Variants in DNER observed in about 807,000 individuals in gnomAD.
DNER encodes delta/notch like EGF repeat containing.
Under a neutral mutation model 78.2 loss-of-function variants are expected in DNER, and 33 were observed. The observed-to-expected ratio is 0.42, with a 90% CI of 0.32 to 0.56. The LOEUF (loss-of-function observed/expected upper bound fraction) is 0.56. Among genes scored for constraint, DNER ranks in the 20% least tolerant of loss-of-function variants. The pLI is 0.11. For missense variants in DNER, 918 were observed against 975.3 expected, an observed-to-expected ratio of 0.94 and a Z score of 0.78; for synonymous variants, 417 against 384.8, an observed-to-expected ratio of 1.08 and a Z score of -0.98.
At chr2:229,637,938 T>A (rs1404598287) in intron 1 of DNER, among the ~76,000 whole-genome samples, 1 of 152,244 alleles carries the variant, frequency 6.6e-6, no homozygotes, top group Admixed American at 6.5e-5. Context: ...AGAAAATTAT[T>A]TAATATTCCT....
intron 6 of DNER, among the ~76,000 whole-genome samples, chr2:229,484,279 TA>T: frequency 6.6e-6 from 1 of 152,308 alleles, no homozygotes; most frequent in African/African-American, 2.4e-5. Flanking sequence ...GCTACTGAAG[TA>T]AAAACATTGT....
chr2:229,539,452 G>A (rs1696470626), intron 5 of DNER, among the ~76,000 whole-genome samples: 1 of 152,160 alleles, frequency 6.6e-6, no homozygotes, highest in Non-Finnish European at 1.5e-5. Context: ...TATTCCCAAA[G>A]GGTTACTACA....
At chr2:229,370,163 C>T (rs1041857191) in intron 11 of DNER, among the ~76,000 whole-genome samples, 2 of 152,172 alleles carry the variant, frequency 1.3e-5, no homozygotes, top group Non-Finnish European at 1.5e-5. Flanking sequence ...CCTTGAAAAG[C>T]TGCAGTCAGT....
At chr2:229,559,556 A>G (rs1334599717) in intron 4 of DNER, among the ~76,000 whole-genome samples, 1 of 152,116 alleles carries the variant, frequency 6.6e-6, no homozygotes, top group East Asian at 1.9e-4. Context: ...ACTTTGGTCT[A>G]CCAGAAAAAA....
intron 6 of DNER, among the ~76,000 whole-genome samples, chr2:229,499,766 A>G (rs1695575759): frequency 6.6e-6 from 1 of 152,164 alleles, no homozygotes. Flanking sequence ...AGAAGCGATC[A>G]ATGGAGTGAA....
intron 8 of DNER, among the ~76,000 whole-genome samples, chr2:229,423,060 A>G (rs1187304644): frequency 6.6e-6 from 1 of 152,154 alleles, no homozygotes; most frequent in Non-Finnish European, 1.5e-5. Flanking sequence ...GCTAGCCCTT[A>G]GATGGTGTTT....
At chr2:229,600,661 A>G (rs1429294984) in intron 1 of DNER, among the ~76,000 whole-genome samples, 1 of 152,244 alleles carries the variant, frequency 6.6e-6, no homozygotes, top group Non-Finnish European at 1.5e-5. Flanking sequence ...TCATCTAGAT[A>G]GTCCACCTTG....
intron 7 of DNER, among the ~76,000 whole-genome samples, chr2:229,456,681 A>T (rs1694581321): frequency 6.6e-6 from 1 of 151,950 alleles, no homozygotes; most frequent in South Asian, 2.1e-4. Context: ...CTCTATAGAA[A>T]ATTCCTTGAA....
intron 4 of DNER, among the ~76,000 whole-genome samples, chr2:229,569,297 G>A (rs1258363968): frequency 3.9e-5 from 6 of 152,104 alleles, no homozygotes; most frequent in Non-Finnish European, 7.4e-5. Context: ...CAAGGTGGGC[G>A]GATCACTTGA....
intron 8 of DNER, among the ~76,000 whole-genome samples, chr2:229,429,458 G>C (rs1201494364): frequency 1.3e-5 from 2 of 152,168 alleles, no homozygotes; most frequent in Non-Finnish European, 2.9e-5. Flanking sequence ...CATTGTCCGT[G>C]AGGTGGTAAC....
At chr2:229,683,204 C>T (rs1699418084) in intron 1 of DNER, among the ~76,000 whole-genome samples, 2 of 152,100 alleles carry the variant, frequency 1.3e-5, no homozygotes, top group Admixed American at 1.3e-4. Context: ...CATGCCCCTA[C>T]CCCCCTCTTA....
At chr2:229,461,047 T>C (rs1267546853) in intron 7 of DNER, among the ~76,000 whole-genome samples, 2 of 152,066 alleles carry the variant, frequency 1.3e-5, no homozygotes, top group Non-Finnish European at 2.9e-5. Flanking sequence ...TGAGTGCTAG[T>C]AAAAAGACAT....
At chr2:229,404,866 C>G (rs1352333019) in intron 10 of DNER, among the ~76,000 whole-genome samples, 1 of 152,126 alleles carries the variant, frequency 6.6e-6, no homozygotes, top group East Asian at 1.9e-4. Context: ...TATTTCTAAA[C>G]TCTTGATATA....
At chr2:229,436,557 G>A (rs1694123045) in intron 8 of DNER, among the ~76,000 whole-genome samples, 1 of 152,024 alleles carries the variant, frequency 6.6e-6, no homozygotes, top group South Asian at 2.1e-4. Flanking sequence ...AGAAGGAGCA[G>A]GTCACCTACA....
chr2:229,585,616 C>T (rs976156828), intron 4 of DNER, among the ~76,000 whole-genome samples: 18 of 150,908 alleles, frequency 1.2e-4, no homozygotes, highest in African/African-American at 2.4e-4. Context: ...GCCAAGATCG[C>T]GCCAGTGCAC....
intron 4 of DNER, among the ~76,000 whole-genome samples, chr2:229,569,051 G>T (rs1449264006): frequency 1.3e-5 from 2 of 152,068 alleles, no homozygotes; most frequent in East Asian, 3.9e-4. Context: ...GCGTATCTAT[G>T]TCTGTGTATA....
chr2:229,602,094 A>T (rs1697836963), intron 1 of DNER, among the ~76,000 whole-genome samples: 1 of 151,940 alleles, frequency 6.6e-6, no homozygotes, highest in South Asian at 2.1e-4. Flanking sequence ...TTCGCCTCTC[A>T]TCAGAGACAC....
At chr2:229,581,771 T>G (rs991037047) in intron 4 of DNER, among the ~76,000 whole-genome samples, 1 of 152,240 alleles carries the variant, frequency 6.6e-6, no homozygotes, top group Non-Finnish European at 1.5e-5. Flanking sequence ...AGAGTATTTG[T>G]GTAAATCTGG....
At chr2:229,561,883 G>C (rs1269334121) in intron 4 of DNER, among the ~76,000 whole-genome samples, 7 of 152,096 alleles carry the variant, frequency 4.6e-5, no homozygotes, top group Non-Finnish European at 2.9e-5. Context: ...TTTCTCCTCT[G>C]TGACCAGTGA....
Sources: gnomAD v4.1 joint callset for allele counts (sites outside exome capture counted in the v4.1 genomes callset) on GRCh38, gnomAD v4.1.1 for gene constraint, MANE v1.5 for transcripts, NCBI Gene and HGNC (gene_info 2026-07-23, HGNC 2026-07-21) for gene names.